The following TMTC3 variants were observed in gnomAD, a reference collection of about 807,000 sequenced individuals.
TMTC3 encodes transmembrane O-mannosyltransferase targeting cadherins 3.
A neutral mutation model predicts 92.2 loss-of-function variants in TMTC3; 52 were observed. The observed-to-expected ratio is 0.56, with a 90% CI of 0.45 to 0.71. The LOEUF (loss-of-function observed/expected upper bound fraction) is 0.71, where lower values mean the gene tolerates loss of function less well. Among genes scored for constraint, TMTC3 ranks in the 30% least tolerant of loss-of-function variants. The pLI, the probability that TMTC3 is intolerant of heterozygous loss-of-function variation, is 0.00. For missense variants in TMTC3, 896 were observed against 1,057.1 expected (o/e 0.85, Z 2.11); for synonymous variants, 339 against 363.3 (o/e 0.93, Z 0.76).
At chr12:88,188,728 C>G in intron 10 of TMTC3, 115 bp from the exon 11 acceptor site, 1 of 539,880 alleles carries the variant, frequency 1.9e-6, no homozygotes, top group Middle Eastern at 5.2e-4. Flanking sequence ...AATATGTCTT[C>G]TCATTAGTTA....
Position 88,192,768 on chromosome 12 carries a change from TG to T in TMTC3, c.1873del (p.Glu625AsnfsTer2). ...NEALKNFNRA[L>X]ELNPKHKLAL... ...GCCCTAAAAAACTTTAATCGTGCTC[TG>T]GAACTAAATCCAAAGCATAAACTAG... On this transcript the variant is annotated frameshift_variant, in exon 13 of 14. Coordinates refer to ENST00000266712, the MANE Select transcript of TMTC3 (RefSeq NM_181783.4). LOFTEE classifies it high-confidence loss of function. 1 of 1,613,434 alleles carries T rather than the reference TG, an allele frequency of 6.2e-7. No homozygotes were observed. Among genetic ancestry groups the T allele is most frequent in the Non-Finnish European group, 8.5e-7 (1 of 1,179,680 alleles).
Position 88,195,841 on chromosome 12 carries a change from T to G in TMTC3, c.*192T>G, listed in dbSNP as rs1210571795. ...GGATGTATATTATGTATCGCTGTTT[T>G]CAGAGTGTGGGTGAATATAGCAGAA... is the stretch of plus-strand genomic sequence containing the variant. On this transcript the variant is annotated 3_prime_UTR_variant, in exon 14 of 14. Transcript: ENST00000266712. 4 of 433,724 alleles carry G rather than the reference T, an allele frequency of 9.2e-6. No homozygotes were observed. The highest frequency in any genetic ancestry group is 6.1e-5 in the African/African-American group (3 of 49,072). The allele number at this position is 433,724 out of a possible 1,614,324, so 26.9% of individuals were successfully genotyped here. A position where few individuals can be genotyped will look rare whatever the true frequency, so the allele number is the denominator to read the frequency against.
intron 7 of TMTC3, among the ~76,000 whole-genome samples, chr12:88,168,710 A>G (rs181778828): frequency 6.6e-6 from 1 of 152,340 alleles, no homozygotes; most frequent in Admixed American, 6.5e-5. Context: ...TACTATGGCA[A>G]CAAAATCTTT....
chr12:88,190,208 T>A (rs1453603573), intron 11 of TMTC3, among the ~76,000 whole-genome samples: 1 of 152,212 alleles, frequency 6.6e-6, no homozygotes, highest in Non-Finnish European at 1.5e-5. Flanking sequence ...TTTTCATTCA[T>A]GCCACCTCAG....
At position 88,196,209 on chromosome 12, in the gene TMTC3, A is replaced by C. The variant is rs2041510248; in HGVS notation, c.*560A>C. On this transcript the variant is annotated 3_prime_UTR_variant, in exon 14 of 14. Coordinates refer to ENST00000266712, the MANE Select transcript of TMTC3 (RefSeq NM_181783.4). Reference sequence around the variant, plus strand: ...ATGAAACATTTTAAAATAAGTCATGACATGTTAGCTTGAGAATGTATTTTC... The same window carrying C: ...ATGAAACATTTTAAAATAAGTCATGCCATGTTAGCTTGAGAATGTATTTTC... 6.6e-6 allele frequency: 1 copy of C among 152,512 alleles called. No homozygotes were observed. Among genetic ancestry groups the C allele is most frequent in the African/African-American group, 2.4e-5 (1 of 41,446 alleles). The allele number at this position is 152,512 out of a possible 1,614,324, so 9.4% of individuals were successfully genotyped here.
intron 1 of TMTC3, among the ~76,000 whole-genome samples, chr12:88,143,661 A>G (rs550907005): frequency 8.5e-5 from 13 of 152,344 alleles, no homozygotes; most frequent in South Asian, 8.3e-4. Context: ...TGTTTACTCA[A>G]TAATTTGAAT....
At chr12:88,155,996 C>G (rs2468233) in intron 4 of TMTC3, among the ~76,000 whole-genome samples, 134,028 of 152,090 alleles carry the variant, frequency 0.88, 59,957 homozygotes, top group East Asian at 0.99. Flanking sequence ...TGCAGTCCCA[C>G]CTACCCGGAA....
intron 8 of TMTC3, chr12:88,173,063 A>C: frequency 3.8e-6 from 5 of 1,306,154 alleles, no homozygotes; most frequent in Non-Finnish European, 5.0e-6. Flanking sequence ...ATATTCAGTG[A>C]ACTAAGATAA....
At chr12:88,184,287 G>GA (rs1565956391) in intron 10 of TMTC3, among the ~76,000 whole-genome samples, 1 of 152,158 alleles carries the variant, frequency 6.6e-6, no homozygotes, top group Non-Finnish European at 1.5e-5. Flanking sequence ...CCCAAGTAGA[G>GA]AGCAGTCCTG....
chr12:88,188,871 A>T lies in TMTC3; in HGVS notation c.1461A>T (p.Gly487=). 6.3e-7 allele frequency: 1 copy of T among 1,591,446 alleles called. No homozygotes were observed. Among genetic ancestry groups the T allele is most frequent in the Non-Finnish European group, 8.6e-7 (1 of 1,169,010 alleles). Residue 487 remains glycine (G), a synonymous_variant, in exon 11 of 14, where the codon GGA becomes GGT. Transcript: ENST00000266712. ...PDDIGAHMNV[G]RTYKNLNRTK... is the part of the protein sequence containing the mutation. ...ATATTGGTGCCCATATGAATGTAGG[A>T]AGAACTTATAAAAATTTAAATAGAA...
In TMTC3 at chr12:88,198,254, G is replaced by A. The variant is rs954999093; in HGVS notation, c.*2605G>A. ...CTGTTCAGTGAGATGGAGGAGGTGG[G>A]CACATTTAAGGTCAGTTCACTAACC... On this transcript the variant is annotated 3_prime_UTR_variant, in exon 14 of 14. Coordinates refer to ENST00000266712, the MANE Select transcript of TMTC3 (RefSeq NM_181783.4). The A allele has an allele frequency of 1.3e-5, 5 of 397,448 alleles. No individual in the cohort carries two copies. Among genetic ancestry groups the A allele is most frequent in the African/African-American group, 2.1e-5 (1 of 48,542 alleles). The allele number at this position is 397,448 out of a possible 1,614,324, so 24.6% of individuals were successfully genotyped here.
chr12:88,144,210 G>C (rs2040843362), intron 1 of TMTC3, among the ~76,000 whole-genome samples: 1 of 152,126 alleles, frequency 6.6e-6, no homozygotes, highest in Non-Finnish European at 1.5e-5. Flanking sequence ...CAGACATCCT[G>C]AGAATGCAGC....
chr12:88,159,409 C>T (rs1004650876), intron 4 of TMTC3, among the ~76,000 whole-genome samples: 7 of 152,170 alleles, frequency 4.6e-5, no homozygotes, highest in Non-Finnish European at 8.8e-5. Flanking sequence ...CACAATGGCT[C>T]GTGCCTGGAA....
chr12:88,149,859 C>T (rs902219170), intron 2 of TMTC3, among the ~76,000 whole-genome samples: 3 of 152,040 alleles, frequency 2.0e-5, no homozygotes, highest in Non-Finnish European at 4.4e-5. Context: ...GAAAATATGG[C>T]CCTATTATAC....
chr12:88,159,452 A>G (rs1476354845), intron 4 of TMTC3, among the ~76,000 whole-genome samples: 4 of 152,122 alleles, frequency 2.6e-5, no homozygotes, highest in African/African-American at 7.2e-5. Flanking sequence ...CTTGAGGCCA[A>G]GAGTTTGAGA....
chr12:88,152,553 G>C (rs1004594589), intron 2 of TMTC3, among the ~76,000 whole-genome samples: 1 of 151,970 alleles, frequency 6.6e-6, no homozygotes, highest in Non-Finnish European at 1.5e-5. Context: ...ATATATATTC[G>C]AACTGTGTGT....
chr12:88,172,241 A>G (rs2041212531), intron 7 of TMTC3, among the ~76,000 whole-genome samples: 1 of 152,082 alleles, frequency 6.6e-6, no homozygotes, highest in African/African-American at 2.4e-5. Flanking sequence ...ATGCTTCTCA[A>G]ATTTAAAATG....
Position 88,188,957 on chromosome 12 carries a change from A to G in TMTC3, c.1536+11A>G, listed in dbSNP as rs971362594. ...TCACTGATGCCTCAAGTAAGTTGCCATAATTTATCTATTGTGTCATATCTA... is the reference window on the plus strand; with the variant it reads ...TCACTGATGCCTCAAGTAAGTTGCCGTAATTTATCTATTGTGTCATATCTA... On this transcript the variant is annotated intron_variant, in intron 11 of 13. Coordinates refer to ENST00000266712, the MANE Select transcript of TMTC3 (RefSeq NM_181783.4). 3 of 1,451,780 alleles carry G rather than the reference A, an allele frequency of 2.1e-6. No homozygotes were observed. Among genetic ancestry groups the G allele is most frequent in the Middle Eastern group, 1.8e-4 (1 of 5,658 alleles). The allele number at this position is 1,451,780 out of a possible 1,614,324, so 89.9% of individuals were successfully genotyped here.
chr12:88,195,583 T>C lies in TMTC3; in HGVS notation c.2679T>C (p.Ile893=). 1.2e-6 allele frequency: 2 copies of C among 1,606,704 alleles called. No individual in the cohort carries two copies. Among genetic ancestry groups the C allele is most frequent in the East Asian group, 4.5e-5 (2 of 44,728 alleles). Residue 893 remains isoleucine (I), a synonymous_variant, in exon 14 of 14, where the codon ATT becomes ATC. Coordinates refer to ENST00000266712, the MANE Select transcript of TMTC3 (RefSeq NM_181783.4). ...AAACAACAAAAGACATCAAAGAAAT[T>C]GAGAAGAAAAGAGTTGCTGCTTTAA... ...PHKTTKDIKE[I]EKKRVAALKR...
Sources: gnomAD v4.1 joint callset for allele counts (sites outside exome capture counted in the v4.1 genomes callset) on GRCh38, gnomAD v4.1.1 for gene constraint, MANE v1.5 for transcripts, NCBI Gene and HGNC (gene_info 2026-07-23, HGNC 2026-07-21) for gene names.